Variants in AGPAT4 observed in about 807,000 individuals in gnomAD.
The protein encoded by AGPAT4 is 1-acyl-sn-glycerol-3-phosphate acyltransferase delta.
Under a neutral mutation model 48.0 loss-of-function variants are expected in AGPAT4, and 15 were observed. That is an observed-to-expected ratio of 0.31 (90% CI 0.21 to 0.48). The LOEUF is 0.48. Among genes scored for constraint, AGPAT4 ranks in the 20% least tolerant of loss-of-function variants. AGPAT4 has a pLI of 0.99. For missense variants in AGPAT4, 314 were observed against 482.5 expected (o/e 0.65, Z 3.27); for synonymous variants, 178 against 198.7 (o/e 0.90, Z 0.88).
chr6:161,266,269 C>T lies in AGPAT4; in HGVS notation c.-90+7669G>A, dbSNP rs1341552140. Among the ~76,000 whole-genome samples the T allele has an allele frequency of 2.0e-5, 3 of 152,226 alleles. No individual in the cohort carries two copies. Among genetic ancestry groups the T allele is most frequent in the Non-Finnish European group, 1.5e-5 (1 of 68,046 alleles). On this transcript the variant is annotated intron_variant, in intron 1 of 8. Coordinates refer to ENST00000320285, the MANE Select transcript of AGPAT4 (RefSeq NM_020133.3). The surrounding 1 kb of genome is among the most constrained non-coding windows in gnomAD (Gnocchi z 6.2). Reference sequence around the variant, plus strand: ...GAAACACCTCGCCCTCAAGGAATGTCACCCTTGAGGCCCTGGCCAGGAGGC... The same window carrying T: ...GAAACACCTCGCCCTCAAGGAATGTTACCCTTGAGGCCCTGGCCAGGAGGC...
At chr6:161,213,063 G>A (rs1562340520) in intron 2 of AGPAT4, among the ~76,000 whole-genome samples, 1 of 152,200 alleles carries the variant, frequency 6.6e-6, no homozygotes. Flanking sequence ...TTCCTGACCT[G>A]TGGTAGGTAA....
intron 2 of AGPAT4, among the ~76,000 whole-genome samples, chr6:161,205,702 A>G (rs1271231960): frequency 6.6e-6 from 1 of 151,790 alleles, no homozygotes; most frequent in Admixed American, 6.6e-5. Flanking sequence ...GTTGAAACAG[A>G]TCAGAAGAAA....
chr6:161,174,763 G>A (rs1015982662), intron 2 of AGPAT4, among the ~76,000 whole-genome samples: 2 of 152,186 alleles, frequency 1.3e-5, no homozygotes, highest in Admixed American at 1.3e-4. Flanking sequence ...TGCCCATTCA[G>A]TATGATATTG....
rs981284248 is a variant in AGPAT4 at position 161,137,099 on chromosome 6, C to T, written c.1043-465G>A. ...GTTTCAGCACTGCTTTTGGTGCAAG[C>T]GTTAGAGCAGTGAGAAAATCCCCGC... On this transcript the variant is annotated intron_variant, in intron 8 of 8. Coordinates refer to ENST00000320285, the MANE Select transcript of AGPAT4 (RefSeq NM_020133.3). This position sits in a 1 kb window ranked among gnomAD's most constrained non-coding sequence, Gnocchi z 6.1. Among the ~76,000 whole-genome samples the T allele has an allele frequency of 1.3e-5, 2 of 152,190 alleles. No individual in the cohort carries two copies. The highest frequency in any genetic ancestry group is 2.4e-5 in the African/African-American group (1 of 41,450).
chr6:161,185,542 C>T (rs1350278294), intron 2 of AGPAT4, among the ~76,000 whole-genome samples: 2 of 152,164 alleles, frequency 1.3e-5, no homozygotes, highest in Admixed American at 1.3e-4. Context: ...TCAATTTTTA[C>T]ATTTTCATCA....
chr6:161,203,386 T>C (rs1364497338), intron 2 of AGPAT4, among the ~76,000 whole-genome samples: 1 of 144,296 alleles, frequency 6.9e-6, no homozygotes. Context: ...TCTTTCTTTT[T>C]TTTTTTTTTT....
intron 2 of AGPAT4, among the ~76,000 whole-genome samples, chr6:161,185,281 G>GTTTTTTTTTTTTTTTTTTT (rs1562328842): frequency 7.4e-6 from 1 of 135,030 alleles, no homozygotes; most frequent in African/African-American, 2.8e-5. Context: ...TTTTTAAGAT[G>GTTTTTTTTTTTTTTTTTTT]TCTTTTTTTT....
rs1242036106 is a variant in AGPAT4, at chr6:161,245,656, C to T, written c.-89-13354G>A. 6.6e-6 allele frequency among the ~76,000 whole-genome samples: 1 copy of T among 152,126 alleles called. No homozygotes were observed. The highest frequency in any genetic ancestry group is 6.5e-5 in the Admixed American group (1 of 15,270). On this transcript the variant is annotated intron_variant, in intron 1 of 8. Transcript: ENST00000320285. This position sits in a 1 kb window ranked among gnomAD's most constrained non-coding sequence, Gnocchi z 5.2. ...TGCATCTCAGATACCAGAAACTGGG[C>T]TCTTTTCTCTTTGGTAGGCCCCTCC...
At chr6:161,194,536 ATG>A (rs994267021) in intron 2 of AGPAT4, among the ~76,000 whole-genome samples, 14 of 149,472 alleles carry the variant, frequency 9.4e-5, no homozygotes, top group African/African-American at 3.0e-4. Flanking sequence ...CTGTGTGTCT[ATG>A]TGTGTATGTG....
At chr6:161,187,052 G>A (rs752744109) in intron 2 of AGPAT4, among the ~76,000 whole-genome samples, 1 of 152,112 alleles carries the variant, frequency 6.6e-6, no homozygotes, top group Non-Finnish European at 1.5e-5. Flanking sequence ...AATAACATCG[G>A]CATATTACTT....
intron 5 of AGPAT4, among the ~76,000 whole-genome samples, chr6:161,150,897 G>A (rs537734244): frequency 9.9e-5 from 15 of 152,196 alleles, no homozygotes; most frequent in African/African-American, 1.7e-4. Flanking sequence ...GTAGTTCAGC[G>A]GTTTTGACAC....
rs1440947965 is a variant in AGPAT4, at chr6:161,262,760, T to C, written c.-90+11178A>G. On this transcript the variant is annotated intron_variant, in intron 1 of 8. Transcript: ENST00000320285. The surrounding 1 kb of genome is among the most constrained non-coding windows in gnomAD (Gnocchi z 4.9). ...TTGGGTAGCTTCTTGGGACTTGAAC[T>C]GGTACATTTCACACGCCTCTTTTGT... Among the ~76,000 whole-genome samples, 1 of 152,182 alleles carries C rather than the reference T, an allele frequency of 6.6e-6. No homozygotes were observed. The highest frequency in any genetic ancestry group is 1.5e-5 in the Non-Finnish European group (1 of 68,030).
At chr6:161,211,782 T>C (rs1306932357) in intron 2 of AGPAT4, among the ~76,000 whole-genome samples, 6 of 152,172 alleles carry the variant, frequency 3.9e-5, no homozygotes, top group African/African-American at 4.8e-5. Flanking sequence ...AGTTACAGGA[T>C]TTTGAGTCCT....
rs1261931582 is a variant in AGPAT4 at position 161,215,350 on chromosome 6, C to A, written c.178+16686G>T. Among the ~76,000 whole-genome samples the A allele has an allele frequency of 1.3e-5, 2 of 152,310 alleles. No individual in the cohort carries two copies. Among genetic ancestry groups the A allele is most frequent in the East Asian group, 3.9e-4 (2 of 5,168 alleles). ...CAGCGGACATATTTGTGCTGAATCT[C>A]AAGGTTTTTGAGGCCATGGCTCATT... On this transcript the variant is annotated intron_variant, in intron 2 of 8. Transcript: ENST00000320285. The surrounding 1 kb of genome is among the most constrained non-coding windows in gnomAD (Gnocchi z 4.5).
rs779432266 is a variant in AGPAT4 at position 161,215,293 on chromosome 6, C to T, written c.178+16743G>A. On this transcript the variant is annotated intron_variant, in intron 2 of 8. Transcript: ENST00000320285. This position sits in a 1 kb window ranked among gnomAD's most constrained non-coding sequence, Gnocchi z 4.5. ...ATGTTTCTGTAGAATTAAGCTTCCC[C>T]GTATCTGTGGGTTGAAAATGTTTAC... is the stretch of plus-strand genomic sequence containing the variant. Among the ~76,000 whole-genome samples the T allele has an allele frequency of 9.9e-5, 15 of 152,160 alleles. No homozygotes were observed. The highest frequency in any genetic ancestry group is 2.1e-4 in the Non-Finnish European group (14 of 68,042).
rs757774501 is a variant in AGPAT4, at chr6:161,146,565, C to G, written c.802G>C (p.Asp268His). 47 of 1,614,146 alleles carry G rather than the reference C, an allele frequency of 2.9e-5. No homozygotes were observed. The highest frequency in any genetic ancestry group is 3.9e-5 in the Non-Finnish European group (46 of 1,180,030). The part of the protein sequence containing the change: ...IPLEDIPEDD[D>H]ECSAWLHKLY... The stretch of plus-strand genomic sequence containing the variant: ...TTGTGCAGCCAGGCCGAGCACTCGT[C>G]ATCGTCTTCAGGGATGTCTTCCAGT... Residue 268 changes from aspartate to histidine, a missense_variant, in exon 7 of 9, where the codon GAC becomes CAC. By Grantham distance (81) the Asp-to-His change is moderately conservative (BLOSUM62 -1). Coordinates refer to ENST00000320285, the MANE Select transcript of AGPAT4 (RefSeq NM_020133.3). The surrounding 1 kb of genome is among the most constrained non-coding windows in gnomAD (Gnocchi z 7.1).
intron 3 of AGPAT4, chr6:161,160,339 G>T (rs979775487): frequency 6.5e-6 from 1 of 152,876 alleles, no homozygotes; most frequent in Non-Finnish European, 1.5e-5. Context: ...AGAGGAAAAT[G>T]GTGTAGACCT....
intron 1 of AGPAT4, among the ~76,000 whole-genome samples, chr6:161,269,320 A>G (rs1351024237): frequency 1.3e-5 from 2 of 152,238 alleles, no homozygotes; most frequent in African/African-American, 4.8e-5. Flanking sequence ...ATGCTCAACC[A>G]GCATGGAAGG....
chr6:161,213,037 C>T (rs1055005348), intron 2 of AGPAT4, among the ~76,000 whole-genome samples: 2 of 152,248 alleles, frequency 1.3e-5, no homozygotes, highest in Non-Finnish European at 2.9e-5. Flanking sequence ...TTTGTCTACA[C>T]AGCCCCTGCA....
Sources: allele counts gnomAD v4.1 joint callset (sites outside exome capture counted in the v4.1 genomes callset), GRCh38; gene constraint gnomAD v4.1.1; non-coding constraint Gnocchi (gnomAD v3.1); transcripts MANE v1.5; gene names NCBI Gene and HGNC (gene_info 2026-07-23, HGNC 2026-07-21).